ARNT2: variants seen among roughly 807,000 people sequenced by gnomAD.
ARNT2 encodes the protein aryl hydrocarbon receptor nuclear translocator 2.
A neutral mutation model predicts 91.7 loss-of-function variants in ARNT2; 36 were observed. The ratio of observed to expected loss-of-function variants is 0.39; its 90% CI spans 0.30 to 0.52. The LOEUF (loss-of-function observed/expected upper bound fraction) is 0.52, where lower values mean the gene tolerates loss of function less well. Ranked by LOEUF, ARNT2 falls within the 20% of genes least tolerant of loss-of-function variation. The pLI, the probability that ARNT2 is intolerant of heterozygous loss-of-function variation, is 0.72. For missense variants in ARNT2, 775 were observed against 939.3 expected, an observed-to-expected ratio of 0.83 and a Z score of 2.29; for synonymous variants, 365 against 347.1, an observed-to-expected ratio of 1.05 and a Z score of -0.57.
chr15:80,477,482 G>A (rs1294251766), intron 5 of ARNT2, among the ~76,000 whole-genome samples: 2 of 152,186 alleles, frequency 1.3e-5, no homozygotes, highest in African/African-American at 4.8e-5. Context: ...TTTGGGGAGA[G>A]CGTAAGCATT....
chr15:80,575,206 G>A (rs1898653151), intron 14 of ARNT2, 96 bp downstream of exon 14: 14 of 1,502,194 alleles, frequency 9.3e-6, no homozygotes, highest in African/African-American at 6.9e-5. Flanking sequence ...AGGGGGCCAC[G>A]GAAGGTGAGT....
chr15:80,521,065 C>T (rs533453994), intron 8 of ARNT2, among the ~76,000 whole-genome samples: 3 of 152,112 alleles, frequency 2.0e-5, no homozygotes, highest in East Asian at 3.9e-4. Flanking sequence ...TTCCTAGACA[C>T]GATGTTAACA....
chr15:80,511,313 G>C (rs868668120), intron 6 of ARNT2, among the ~76,000 whole-genome samples: 1 of 152,172 alleles, frequency 6.6e-6, no homozygotes, highest in Non-Finnish European at 1.5e-5. Context: ...ACTTACAAGT[G>C]AGAGCTAATG....
chr15:80,576,715 G>A (rs948470705), intron 14 of ARNT2, 151 bp from the exon 15 acceptor site: 5 of 748,986 alleles, frequency 6.7e-6, no homozygotes, highest in Non-Finnish European at 1.1e-5. Context: ...GGAGGCAGAG[G>A]CAAGGCTGAG....
chr15:80,460,198 T>A (rs1896532886), intron 3 of ARNT2, among the ~76,000 whole-genome samples: 1 of 152,208 alleles, frequency 6.6e-6, no homozygotes, highest in Non-Finnish European at 1.5e-5. Flanking sequence ...GGTTTCTGTC[T>A]CCTGTGTGTG....
intron 12 of ARNT2, among the ~76,000 whole-genome samples, chr15:80,568,977 G>A (rs1241142666): frequency 3.9e-5 from 6 of 152,114 alleles, no homozygotes; most frequent in African/African-American, 1.4e-4. Context: ...TGACTGGACC[G>A]TGCTGCTCCC....
At chr15:80,405,411 T>G (rs1895584879) in intron 1 of ARNT2, among the ~76,000 whole-genome samples, 1 of 152,054 alleles carries the variant, frequency 6.6e-6, no homozygotes, top group African/African-American at 2.4e-5. Flanking sequence ...GCTGGGTCCC[T>G]GTGGAAGATG....
intron 3 of ARNT2, among the ~76,000 whole-genome samples, chr15:80,468,646 CTA>C (rs77018052): frequency 0.13 from 19,693 of 152,152 alleles, 3,486 homozygotes; most frequent in African/African-American, 0.4. Flanking sequence ...CTCCTCTTCG[CTA>C]TATCGTTCTC....
At chr15:80,573,338 T>C (rs1898616321) in intron 12 of ARNT2, among the ~76,000 whole-genome samples, 2 of 152,250 alleles carry the variant, frequency 1.3e-5, no homozygotes, top group South Asian at 2.1e-4. Flanking sequence ...CTTTTATTTA[T>C]TTATTTATTT....
chr15:80,501,326 A>G (rs1386652701), intron 5 of ARNT2, among the ~76,000 whole-genome samples: 1 of 152,248 alleles, frequency 6.6e-6, no homozygotes, highest in Non-Finnish European at 1.5e-5. Flanking sequence ...GCTAAGTGAC[A>G]TGAAGTAGAA....
At chr15:80,477,235 A>G (rs1157462300) in intron 5 of ARNT2, among the ~76,000 whole-genome samples, 1 of 152,214 alleles carries the variant, frequency 6.6e-6, no homozygotes, top group Non-Finnish European at 1.5e-5. Context: ...ATTTGTTTAT[A>G]CAATGGGAGA....
rs555524783 is a variant in ARNT2, at chr15:80,432,324, T to C, written c.32-18556T>C. Among the ~76,000 whole-genome samples, 3 of 152,290 alleles carry C rather than the reference T, an allele frequency of 2.0e-5. No individual in the cohort carries two copies. In the South Asian group the frequency reaches 6.2e-4, roughly 32 times the overall value. ...TGGGACCTGATGCTTAGATCAGAGGTTGGCAAATTATGGCCAATGGGCTGC... is the reference window on the plus strand; with the variant it reads ...TGGGACCTGATGCTTAGATCAGAGGCTGGCAAATTATGGCCAATGGGCTGC... On this transcript the variant is annotated intron_variant, in intron 1 of 18. Coordinates refer to ENST00000303329, the MANE Select transcript of ARNT2 (RefSeq NM_014862.4).
intron 8 of ARNT2, among the ~76,000 whole-genome samples, chr15:80,544,103 G>A (rs1463234625): frequency 6.6e-6 from 1 of 152,138 alleles, no homozygotes; most frequent in Non-Finnish European, 1.5e-5. Flanking sequence ...TTTGCTTTGG[G>A]TCCTTTTGCT....
intron 4 of ARNT2, among the ~76,000 whole-genome samples, chr15:80,474,471 C>T (rs1164762328): frequency 1.3e-5 from 2 of 152,204 alleles, no homozygotes; most frequent in South Asian, 2.1e-4. Flanking sequence ...TAGCCAGTGC[C>T]AGCATTCAGC....
intron 9 of ARNT2, among the ~76,000 whole-genome samples, chr15:80,552,066 C>G (rs1435470993): frequency 6.6e-6 from 1 of 152,206 alleles, no homozygotes; most frequent in Non-Finnish European, 1.5e-5. Context: ...CTTCCCCATG[C>G]TGAAGAGGAG....
chr15:80,474,677 T>C (rs1302295472), intron 4 of ARNT2, among the ~76,000 whole-genome samples: 1 of 152,156 alleles, frequency 6.6e-6, no homozygotes, highest in African/African-American at 2.4e-5. Flanking sequence ...AGTTTCAATA[T>C]GTGGCAAAGC....
chr15:80,436,732 A>C (rs1294382146), intron 1 of ARNT2, among the ~76,000 whole-genome samples: 1 of 152,148 alleles, frequency 6.6e-6, no homozygotes, highest in Non-Finnish European at 1.5e-5. Flanking sequence ...GACAGTCTTC[A>C]TTTGTGCCTG....
chr15:80,533,439 C>G (rs1410227079), intron 8 of ARNT2, among the ~76,000 whole-genome samples: 2 of 152,114 alleles, frequency 1.3e-5, no homozygotes, highest in Non-Finnish European at 2.9e-5. Context: ...ACAAGCCAGC[C>G]TGGGGTGCCC....
In ARNT2 at chr15:80,508,206, T is replaced by C; in HGVS notation, c.673T>C (p.Ser225Pro). 4.3e-6 allele frequency: 7 copies of C among 1,614,146 alleles called. No individual in the cohort carries two copies. Among genetic ancestry groups the C allele is most frequent in the Non-Finnish European group, 5.9e-6 (7 of 1,180,016 alleles). Reference protein sequence around the residue: ...TGTVKKEGQQSSMRMCMGSRR... With the variant: ...TGTVKKEGQQPSMRMCMGSRR... ...GACGGTCAAGAAAGAAGGGCAGCAG[T>C]CATCCATGAGGATGTGCATGGGCTC... The change falls in exon 6 of 19, where the codon TCA becomes CCA. Residue 225 changes from serine (S) to proline (P), a missense_variant. This residue lies in a region of ARNT2 where 285 missense variants were observed against 327.2 expected (regional missense o/e 0.87). Transcript: ENST00000303329.
Sources: gnomAD v4.1 joint callset for allele counts (sites outside exome capture counted in the v4.1 genomes callset) on GRCh38, gnomAD v4.1.1 for gene constraint, gnomAD v4.1.1 regional missense constraint, MANE v1.5 for transcripts, NCBI Gene and HGNC (gene_info 2026-07-23, HGNC 2026-07-21) for gene names.